The following PCGF2 variants were observed in gnomAD, a reference collection of about 807,000 sequenced individuals.
PCGF2 encodes the protein polycomb group RING finger protein 2.
A neutral mutation model predicts 36.1 loss-of-function variants in PCGF2; 8 were observed. The observed-to-expected ratio is 0.22, with a 90% CI of 0.13 to 0.40. The LOEUF is 0.40. Among genes scored for constraint, PCGF2 ranks in the 10% least tolerant of loss-of-function variants. The probability of loss-of-function intolerance (pLI) is 1.00; values close to 1 mark genes in which losing one functional copy is unlikely to be tolerated. For missense variants in PCGF2, 436 were observed against 475.9 expected (o/e 0.92, Z 0.78); for synonymous variants, 198 against 191.2 (o/e 1.04, Z -0.29).
At chr17:38,740,156 A>G in intron 3 of PCGF2, 135 bp downstream of exon 3, 2 of 735,966 alleles carry the variant, frequency 2.7e-6, no homozygotes, top group South Asian at 3.6e-5. Flanking sequence ...CTGTGACCTA[A>G]GGATTCCCAG....
At chr17:38,747,480 C>T (rs1198388836) in intron 2 of PCGF2, among the ~76,000 whole-genome samples, 1 of 152,226 alleles carries the variant, frequency 6.6e-6, no homozygotes, top group Non-Finnish European at 1.5e-5. Context: ...CGGGTGGCCG[C>T]TCCCACCTTC....
At chr17:38,742,692 T>C (rs1220736949) in intron 2 of PCGF2, among the ~76,000 whole-genome samples, 1 of 152,212 alleles carries the variant, frequency 6.6e-6, no homozygotes, top group Non-Finnish European at 1.5e-5. Context: ...GTCGTTTCCA[T>C]AGTAACCCTG....
intron 2 of PCGF2, among the ~76,000 whole-genome samples, chr17:38,742,612 C>T (rs11652380): frequency 0.17 from 25,692 of 152,098 alleles, 2,659 homozygotes; most frequent in Admixed American, 0.25. Context: ...AGGGTGGCCT[C>T]GGCCAGCCCT....
At chr17:38,738,995 G>A in intron 6 of PCGF2, 73 bp downstream of exon 6, 1 of 1,569,622 alleles carries the variant, frequency 6.4e-7, no homozygotes, top group South Asian at 1.1e-5. Context: ...GTCAGAGGGT[G>A]AGGGGTAGCG....
intron 9 of PCGF2, among the ~76,000 whole-genome samples, chr17:38,736,648 C>T (rs1057145872): frequency 5.3e-5 from 8 of 151,828 alleles, no homozygotes; most frequent in African/African-American, 1.7e-4. Flanking sequence ...TCCTGGCTAA[C>T]GTGGTGAAAC....
upstream of PCGF2, chr17:38,749,658 C>T (rs571594336): frequency 3.0e-4 from 137 of 456,098 alleles, 4 homozygotes; most frequent in South Asian, 2.1e-3. The surrounding 1 kb of genome is among the most constrained non-coding windows in gnomAD (Gnocchi z 6.5). Context: ...TAGGAATCTT[C>T]GCCCAGTTTT....
chr17:38,747,607 G>A (rs904873279), intron 2 of PCGF2, among the ~76,000 whole-genome samples: 13 of 152,022 alleles, frequency 8.6e-5, no homozygotes, highest in Non-Finnish European at 1.2e-4. Context: ...GGGACCGGCG[G>A]GGGGAGGTGC....
intron 2 of PCGF2, among the ~76,000 whole-genome samples, chr17:38,745,974 C>G (rs939176528): frequency 9.2e-5 from 14 of 152,154 alleles, no homozygotes; most frequent in Non-Finnish European, 1.8e-4. Context: ...CTGTTCCTCT[C>G]CCAGCTTCGT....
rs568255159 is a variant in PCGF2, at chr17:38,735,160, G to T, written c.*63C>A. On this transcript the variant is annotated 3_prime_UTR_variant, in exon 11 of 11. Transcript: ENST00000620225. ...GGGAAAGTAGAAGAGGTGGAAAAAA[G>T]GGCCCAGAAAAAGTGGAAGGAGTGG... is the stretch of plus-strand genomic sequence containing the variant. 1.2e-4 allele frequency: 154 copies of T among 1,258,484 alleles called. No individual in the cohort carries two copies. The highest frequency in any genetic ancestry group is 1.5e-4 in the Non-Finnish European group (145 of 976,384). 78.0% of individuals were successfully genotyped at this position (1,258,484 alleles called of 1,614,324 possible). A position where few individuals can be genotyped will look rare whatever the true frequency, so the allele number is the denominator to read the frequency against.
At chr17:38,742,148 C>A (rs542855545) in intron 2 of PCGF2, among the ~76,000 whole-genome samples, 10 of 152,322 alleles carry the variant, frequency 6.6e-5, no homozygotes, top group Admixed American at 5.9e-4. Flanking sequence ...ACCGTGCTTC[C>A]TTCTTGGTAA....
chr17:38,740,497 C>G, intron 2 of PCGF2, 55 bp from the exon 3 acceptor site: 1 of 1,370,052 alleles, frequency 7.3e-7, no homozygotes. Flanking sequence ...CGGTGGTTCA[C>G]GCCTGTAATC....
intron 9 of PCGF2, among the ~76,000 whole-genome samples, chr17:38,737,055 C>CG (rs957516659): frequency 1.3e-5 from 2 of 151,774 alleles, no homozygotes; most frequent in African/African-American, 4.8e-5. Flanking sequence ...CGCTTGAGCC[C>CG]GGGGGGTCAG....
rs1474883672 is a variant in PCGF2, at chr17:38,739,142, G to C, written c.266-24C>G. ...ATCTGGAAGAAGGCAGCAGGATGAG[G>C]ACAGGGCCATGGGTTGGGAAATGGG... On this transcript the variant is annotated intron_variant, in intron 5 of 10. Transcript: ENST00000620225. The surrounding 1 kb of genome is among the most constrained non-coding windows in gnomAD (Gnocchi z 4.0). 6.2e-7 allele frequency: 1 copy of C among 1,613,978 alleles called. No homozygotes were observed. The highest frequency in any genetic ancestry group is 1.3e-5 in the African/African-American group (1 of 74,906).
rs1277811665 is a variant in PCGF2 at position 38,739,430 on chromosome 17, G to A, written c.209+156C>T. Among the ~76,000 whole-genome samples the A allele has an allele frequency of 6.6e-6, 1 of 152,038 alleles. No homozygotes were observed. Among genetic ancestry groups the A allele is most frequent in the Non-Finnish European group, 1.5e-5 (1 of 67,994 alleles). ...TCTAGTATGCCTCACCCTGTGATGA[G>A]CCAAATGTAACCCCAAGGTCGGGGA... On this transcript the variant is annotated intron_variant, in intron 4 of 10. Coordinates refer to ENST00000620225, the MANE Select transcript of PCGF2 (RefSeq NM_007144.3). This position sits in a 1 kb window ranked among gnomAD's most constrained non-coding sequence, Gnocchi z 4.0.
chr17:38,738,965 G>A (rs772085100), intron 6 of PCGF2, 103 bp downstream of exon 6: 448 of 1,531,766 alleles, frequency 2.9e-4, no homozygotes, highest in Admixed American at 8.7e-4. Flanking sequence ...CCACCTTCTG[G>A]AGAGGTGTGC....
intron 9 of PCGF2, among the ~76,000 whole-genome samples, chr17:38,736,509 C>T (rs1345425235): frequency 6.6e-6 from 1 of 152,178 alleles, no homozygotes; most frequent in Non-Finnish European, 1.5e-5. Flanking sequence ...TCACCCCCAG[C>T]TGCAAAATGG....
In PCGF2 at chr17:38,735,530, G is replaced by T. The variant is rs1172849279; in HGVS notation, c.728C>A (p.Thr243Asn). Residue 243 changes from threonine (T) to asparagine (N), a missense_variant, in exon 11 of 11, where the codon ACC becomes AAC. Around this residue, in one of 3 missense-constraint regions of PCGF2, gnomAD observed 227 missense variants for 212.9 expected, o/e 1.07. Transcript: ENST00000620225. ...CKRLTLATVPTPSEGTNTSGA... is the reference protein window; with the variant it reads ...CKRLTLATVPNPSEGTNTSGA... Reference sequence around the variant, plus strand: ...GCTGGTGTTGGTGCCCTCGGAGGGGGTGGGCACCGTGGCTAGGGTGAGCCG... The same window carrying T: ...GCTGGTGTTGGTGCCCTCGGAGGGGTTGGGCACCGTGGCTAGGGTGAGCCG... The T allele has an allele frequency of 6.3e-7, 1 of 1,589,328 alleles. No individual in the cohort carries two copies. The highest frequency in any genetic ancestry group is 8.6e-7 in the Non-Finnish European group (1 of 1,167,922).
At chr17:38,737,670 T>C (rs1352517309) in intron 9 of PCGF2, among the ~76,000 whole-genome samples, 1 of 151,582 alleles carries the variant, frequency 6.6e-6, no homozygotes, top group Non-Finnish European at 1.5e-5. Context: ...CCCAGCACTT[T>C]GGGAGGCCAA....
In PCGF2 at chr17:38,736,517, T is replaced by G. The variant is rs565570927; in HGVS notation, c.577-347A>C. ...CTGGCTCTCACCCCCAGCTGCAAAA[T>G]GGAATCACCCAGGGAGCTTTAAAAA... On this transcript the variant is annotated intron_variant, in intron 9 of 10. Coordinates refer to ENST00000620225, the MANE Select transcript of PCGF2 (RefSeq NM_007144.3). Among the ~76,000 whole-genome samples the G allele has an allele frequency of 1.1e-3, 164 of 152,060 alleles. 1 individual carries two copies. Among genetic ancestry groups the G allele is most frequent in the African/African-American group, 3.6e-3 (151 of 41,468 alleles).
Sources: gnomAD v4.1 joint callset for allele counts (sites outside exome capture counted in the v4.1 genomes callset) on GRCh38, gnomAD v4.1.1 for gene constraint, gnomAD v4.1.1 regional missense constraint, Gnocchi (gnomAD v3.1) non-coding constraint, MANE v1.5 for transcripts, NCBI Gene and HGNC (gene_info 2026-07-23, HGNC 2026-07-21) for gene names.